Variants in MEF2A observed in about 807,000 individuals in gnomAD.
MEF2A encodes the protein myocyte-specific enhancer factor 2A.
MEF2A carries 28 observed loss-of-function variants against 55.8 expected under a neutral mutation model. The ratio of observed to expected loss-of-function variants is 0.50; its 90% CI spans 0.37 to 0.69. The LOEUF (loss-of-function observed/expected upper bound fraction) is 0.69. MEF2A is among the 30% of genes least tolerant of loss of function. The pLI is 0.00. For missense variants in MEF2A, 528 were observed against 626.2 expected (o/e 0.84, Z 1.67); for synonymous variants, 239 against 227.1 (o/e 1.05, Z -0.47).
At chr15:99,568,737 G>T (rs549386582) in intron 1 of MEF2A, among the ~76,000 whole-genome samples, 17 of 152,274 alleles carry the variant, frequency 1.1e-4, no homozygotes, top group African/African-American at 4.1e-4. Flanking sequence ...CTGGCAAGAA[G>T]AATGTAGTGT....
rs570135575 is a variant in MEF2A at position 99,713,941 on chromosome 15, C to T, written c.*1170C>T. On this transcript the variant is annotated 3_prime_UTR_variant, in exon 12 of 12. Transcript: ENST00000557942. ...TAAAAAGTATATTTTTGTGGATTGC[C>T]GCCAATCTGGGGGGAAAAGGCGAGG... 2 of 152,076 alleles carry T rather than the reference C, an allele frequency of 1.3e-5. No individual in the cohort carries two copies. Among genetic ancestry groups the T allele is most frequent in the African/African-American group, 2.4e-5 (1 of 41,394 alleles). The allele number at this position is 152,076 out of a possible 1,614,324, so 9.4% of individuals were successfully genotyped here.
chr15:99,671,444 A>G lies in MEF2A; in HGVS notation c.380A>G (p.Lys127Arg). 2.5e-6 allele frequency: 4 copies of G among 1,613,956 alleles called. No individual in the cohort carries two copies. Among genetic ancestry groups the G allele is most frequent in the Non-Finnish European group, 3.4e-6 (4 of 1,179,832 alleles). The change falls in exon 5 of 12, where the codon AAA (lysine) becomes AGA (arginine). Residue 127 changes from lysine (K) to arginine (R), a missense_variant. Transcript: ENST00000557942. Reference sequence around the variant, plus strand: ...AATGAAGATAGTGATTTTATTTTCAAACGAGGCCCTGTAAGTACTTTTACT... The same window carrying G: ...AATGAAGATAGTGATTTTATTTTCAGACGAGGCCCTGTAAGTACTTTTACT... ...KLNEDSDFIF[K>R]RGPPGLPPQN... is the part of the protein sequence containing the mutation.
chr15:99,666,312 C>T (rs1001200011), intron 4 of MEF2A, among the ~76,000 whole-genome samples: 1 of 151,946 alleles, frequency 6.6e-6, no homozygotes, highest in Non-Finnish European at 1.5e-5. Flanking sequence ...CACTGGAAAC[C>T]ATCATTCTCA....
intron 4 of MEF2A, among the ~76,000 whole-genome samples, chr15:99,662,435 A>G: frequency 6.6e-6 from 1 of 151,610 alleles, no homozygotes. Context: ...ACAATAATCT[A>G]GTTTCAATTT....
intron 7 of MEF2A, among the ~76,000 whole-genome samples, chr15:99,683,237 A>G (rs1453931118): frequency 3.3e-5 from 5 of 152,218 alleles, no homozygotes. Context: ...TGAAAGCAGA[A>G]TGCAGGAAAT....
At chr15:99,620,233 T>C (rs1271965412) in intron 2 of MEF2A, among the ~76,000 whole-genome samples, 2 of 152,340 alleles carry the variant, frequency 1.3e-5, no homozygotes, top group African/African-American at 2.4e-5. Flanking sequence ...TGTGTGTATG[T>C]TTGTTACATG....
At chr15:99,645,947 C>G in intron 4 of MEF2A, 183 bp downstream of exon 4, 1 of 461,274 alleles carries the variant, frequency 2.2e-6, no homozygotes, top group Non-Finnish European at 3.8e-6. Context: ...TAAACATACT[C>G]TATTCATTCA....
intron 1 of MEF2A, among the ~76,000 whole-genome samples, chr15:99,587,453 G>GT (rs1382474559): frequency 6.6e-6 from 1 of 151,962 alleles, no homozygotes; most frequent in African/African-American, 2.4e-5. Flanking sequence ...TAAATTTTTA[G>GT]TTTTTTTGTC....
chr15:99,706,734 C>G lies in MEF2A; in HGVS notation c.888C>G (p.Thr296=), dbSNP rs2058081373. Residue 296 remains threonine, a synonymous_variant, in exon 10 of 12, where the codon ACC becomes ACG. Coordinates refer to ENST00000557942, the MANE Select transcript of MEF2A (RefSeq NM_001319206.4). ...LSEEEELELN[T]QRISSSQATQ... Reference sequence around the variant, plus strand: ...TCTCTTTTTTGATCTCACAGAATACCCAGAGGATCAGTAGTTCTCAAGCCA... The same window carrying G: ...TCTCTTTTTTGATCTCACAGAATACGCAGAGGATCAGTAGTTCTCAAGCCA... 1 of 1,612,836 alleles carries G rather than the reference C, an allele frequency of 6.2e-7. No individual in the cohort carries two copies. The highest frequency in any genetic ancestry group is 1.3e-5 in the African/African-American group (1 of 74,858).
intron 8 of MEF2A, among the ~76,000 whole-genome samples, chr15:99,699,486 G>T (rs2057039813): frequency 6.6e-6 from 1 of 152,184 alleles, no homozygotes; most frequent in Non-Finnish European, 1.5e-5. Context: ...GCATGGGTCT[G>T]TGTTTGTTGA....
chr15:99,684,563 T>C (rs896451320), intron 7 of MEF2A, among the ~76,000 whole-genome samples: 3 of 152,218 alleles, frequency 2.0e-5, no homozygotes, highest in Non-Finnish European at 2.9e-5. Flanking sequence ...TGGGATTGTT[T>C]TTTTCTTGCT....
intron 1 of MEF2A, among the ~76,000 whole-genome samples, chr15:99,581,999 A>C (rs1369229500): frequency 1.3e-5 from 2 of 152,118 alleles, no homozygotes; most frequent in Non-Finnish European, 2.9e-5. Context: ...GAGATGGTAA[A>C]GTGGGAAAGA....
chr15:99,597,464 G>C (rs1343099069), intron 1 of MEF2A, among the ~76,000 whole-genome samples: 1 of 152,014 alleles, frequency 6.6e-6, no homozygotes, highest in Non-Finnish European at 1.5e-5. Flanking sequence ...AGTGACAATG[G>C]TGCCCGAAAC....
intron 1 of MEF2A, among the ~76,000 whole-genome samples, chr15:99,591,741 A>G (rs1444509023): frequency 1.3e-5 from 2 of 151,420 alleles, no homozygotes; most frequent in African/African-American, 4.9e-5. Context: ...CAATTTTGTC[A>G]TCTTCTTTTC....
intron 2 of MEF2A, 90 bp from the exon 3 acceptor site, chr15:99,632,888 C>T (rs577218588): frequency 1.5e-4 from 60 of 398,706 alleles, no homozygotes; most frequent in Middle Eastern, 1.3e-3. Flanking sequence ...ATGCTGTGTG[C>T]AGTGTAAAAG....
intron 1 of MEF2A, among the ~76,000 whole-genome samples, chr15:99,585,870 TGA>T (rs1405346613): frequency 6.6e-6 from 1 of 152,216 alleles, no homozygotes; most frequent in East Asian, 1.9e-4. Flanking sequence ...TCATAATGTA[TGA>T]ATTGTGGATC....
Position 99,572,820 on chromosome 15 carries a change from A to G in MEF2A, c.-225+6716A>G, listed in dbSNP as rs181318135. The stretch of plus-strand genomic sequence containing the variant: ...ATGCACTATTTGTAGAGTAAATCCC[A>G]TGTTAGGTATTTAGAATATTATTTG... On this transcript the variant is annotated intron_variant, in intron 1 of 11. Coordinates refer to ENST00000557942, the MANE Select transcript of MEF2A (RefSeq NM_001319206.4). Among the ~76,000 whole-genome samples, 118 of 152,280 alleles carry G rather than the reference A, an allele frequency of 7.7e-4. No homozygotes were observed. The South Asian group carries it at 0.014, about 18-fold the overall frequency.
chr15:99,686,917 T>C (rs1475454489), intron 7 of MEF2A, among the ~76,000 whole-genome samples: 1 of 130,192 alleles, frequency 7.7e-6, no homozygotes, highest in East Asian at 2.1e-4. Flanking sequence ...TTTTTGTTTT[T>C]TGATTTTTTT....
At chr15:99,680,449 A>G (rs1293706249) in intron 7 of MEF2A, among the ~76,000 whole-genome samples, 2 of 152,282 alleles carry the variant, frequency 1.3e-5, no homozygotes, top group African/African-American at 4.8e-5. Context: ...GATCTCATGC[A>G]TGCTTTTGTG....
Sources: gnomAD v4.1 joint callset for allele counts (sites outside exome capture counted in the v4.1 genomes callset) on GRCh38, gnomAD v4.1.1 for gene constraint, MANE v1.5 for transcripts, NCBI Gene and HGNC (gene_info 2026-07-23, HGNC 2026-07-21) for gene names.